Variants in PCDHGA5 observed in about 807,000 individuals in gnomAD.
The protein encoded by PCDHGA5 is protocadherin gamma-A5.
In PCDHGA5, 36 loss-of-function variants were observed where a neutral mutation model predicts 56.7. That is an observed-to-expected ratio of 0.64 (90% CI 0.49 to 0.84). PCDHGA5 has a LOEUF of 0.84. PCDHGA5 is among the 40% of genes least tolerant of loss of function. PCDHGA5 has a pLI of 0.00. For missense variants in PCDHGA5, 1,305 were observed against 1,201.5 expected (o/e 1.09, Z -1.27); for synonymous variants, 563 against 520.2 (o/e 1.08, Z -1.12).
intron 1 of PCDHGA5, chr5:141,399,287 C>A: frequency 6.2e-7 from 1 of 1,613,912 alleles, no homozygotes; most frequent in Non-Finnish European, 8.5e-7. Context: ...GGCGAAGTCC[C>A]TTTTAAGATT....
At chr5:141,415,074 G>A (rs745950404) in intron 1 of PCDHGA5, 4 of 1,613,448 alleles carry the variant, frequency 2.5e-6, no homozygotes, top group East Asian at 2.2e-5. Flanking sequence ...TGCGCACGGC[G>A]CGAGCCCTGC....
In PCDHGA5 at chr5:141,419,425, C is replaced by T. The variant is rs3749766; in HGVS notation, c.2421+52674C>T. Reference sequence around the variant, plus strand: ...TGTTCGCGCAGCGCGCCTTCGACCACGAGCAGCTGCGCACCTTCGAGCTCA... The same window carrying T: ...TGTTCGCGCAGCGCGCCTTCGACCATGAGCAGCTGCGCACCTTCGAGCTCA... On this transcript the variant is annotated intron_variant, in intron 1 of 3. Transcript: ENST00000518069. 284 of 1,613,316 alleles carry T rather than the reference C, an allele frequency of 1.8e-4. 1 individual carries two copies. The East Asian group carries it at 5.9e-3, about 34-fold the overall frequency.
intron 2 of PCDHGA5, among the ~76,000 whole-genome samples, chr5:141,501,290 T>TACACATACAC (rs1224133816): frequency 4.6e-4 from 62 of 136,246 alleles, no homozygotes; most frequent in Admixed American, 7.0e-4. Flanking sequence ...TATTCCCTTA[T>TACACATACAC]ACACACACAC....
chr5:141,497,829 C>T (rs754594104), intron 2 of PCDHGA5, among the ~76,000 whole-genome samples: 147 of 152,160 alleles, frequency 9.7e-4, no homozygotes, highest in Non-Finnish European at 1.8e-3. Flanking sequence ...TGTGATCGCC[C>T]CCGGCCACAA....
At chr5:141,375,364 A>T (rs771379372) in intron 1 of PCDHGA5, 1 of 1,613,786 alleles carries the variant, frequency 6.2e-7, no homozygotes, top group African/African-American at 1.3e-5. Context: ...CCACGGACAA[A>T]GGAACACCAC....
intron 1 of PCDHGA5, among the ~76,000 whole-genome samples, chr5:141,438,633 TATACACAC>T (rs1401551511): frequency 0.055 from 1,851 of 33,458 alleles, 10 homozygotes; most frequent in African/African-American, 0.082. Flanking sequence ...TATATATATA[TATACACAC>T]ACACACACAC....
At chr5:141,410,849 C>CTTGTTTTTTTTTTTTTTT (rs2095431880) in intron 1 of PCDHGA5, 1 of 129,786 alleles carries the variant, frequency 7.7e-6, no homozygotes, top group African/African-American at 6.0e-5. Context: ...TTGTCTTTGT[C>CTTGTTTTTTTTTTTTTTT]TTTTTTTTTT....
At chr5:141,452,119 TTCATATATGGC>T (rs1472213897) in intron 1 of PCDHGA5, among the ~76,000 whole-genome samples, 3 of 152,250 alleles carry the variant, frequency 2.0e-5, no homozygotes, top group African/African-American at 7.2e-5. Flanking sequence ...TTCTTATTTA[TTCATATATGGC>T]TCATGTGTTT....
intron 1 of PCDHGA5, among the ~76,000 whole-genome samples, chr5:141,457,984 A>G (rs1210742359): frequency 2.0e-5 from 3 of 152,226 alleles, no homozygotes; most frequent in Non-Finnish European, 1.5e-5. Context: ...ACACCCTTTC[A>G]GTTAAAGCCT....
At chr5:141,403,425 T>C in intron 1 of PCDHGA5, 1 of 1,614,040 alleles carries the variant, frequency 6.2e-7, no homozygotes, top group South Asian at 1.1e-5. Context: ...CCAGAAGCTA[T>C]TGATCCGGAT....
chr5:141,400,736 G>A, intron 1 of PCDHGA5: 1 of 630,462 alleles, frequency 1.6e-6, no homozygotes, highest in Non-Finnish European at 2.7e-6. Context: ...AGTAGTGAGA[G>A]TTTGCTCTTA....
At chr5:141,475,992 C>A in intron 1 of PCDHGA5, 1 of 1,158,844 alleles carries the variant, frequency 8.6e-7, no homozygotes, top group Non-Finnish European at 1.2e-6. Context: ...GCGAGCAAAT[C>A]AACGGCATCC....
At chr5:141,399,621 C>G (rs757586675) in intron 1 of PCDHGA5, 1 of 1,613,948 alleles carries the variant, frequency 6.2e-7, no homozygotes. Context: ...TGGCACTGGC[C>G]TCTTACGTGT....
chr5:141,370,383 G>T, intron 1 of PCDHGA5: 2 of 1,533,714 alleles, frequency 1.3e-6, no homozygotes, highest in African/African-American at 1.4e-5. Flanking sequence ...AGGCAAAGGC[G>T]CAGAGAGCGG....
chr5:141,454,272 A>G (rs1226625529), intron 1 of PCDHGA5, among the ~76,000 whole-genome samples: 1 of 152,200 alleles, frequency 6.6e-6, no homozygotes, highest in Non-Finnish European at 1.5e-5. Context: ...ATGCCAGCAA[A>G]AACTTCACAT....
Position 141,491,905 on chromosome 5 carries a change from G to A in PCDHGA5, c.2422-2902G>A. 7.1e-7 allele frequency: 1 copy of A among 1,418,328 alleles called. No individual in the cohort carries two copies. Among genetic ancestry groups the A allele is most frequent in the Non-Finnish European group, 9.3e-7 (1 of 1,069,952 alleles). 87.9% of individuals were successfully genotyped at this position (1,418,328 alleles called of 1,614,324 possible). ...GATGGGGCTCCGAGCACCGGGGGTG[G>A]TGGCGACTGTGGGCGAGGGGAGGTG... On this transcript the variant is annotated intron_variant, in intron 1 of 3. Transcript: ENST00000518069. This position sits in a 1 kb window ranked among gnomAD's most constrained non-coding sequence, Gnocchi z 6.9.
At chr5:141,507,120 T>TA (rs1256499995) in intron 3 of PCDHGA5, 2 of 152,206 alleles carry the variant, frequency 1.3e-5, no homozygotes, top group African/African-American at 4.8e-5. Context: ...TGGCTGCCTT[T>TA]GGATCCAGCC....
intron 1 of PCDHGA5, chr5:141,427,916 G>T: frequency 1.3e-6 from 2 of 1,578,854 alleles, no homozygotes; most frequent in East Asian, 2.2e-5. Flanking sequence ...GCGCCAACAT[G>T]AGCCGGCGCA....
intron 1 of PCDHGA5, chr5:141,394,791 C>G (rs919264078): frequency 6.2e-7 from 1 of 1,613,736 alleles, no homozygotes. Flanking sequence ...CACTGTCACG[C>G]TCACCGTAGC....
Sources: gnomAD v4.1 joint callset for allele counts (sites outside exome capture counted in the v4.1 genomes callset) on GRCh38, gnomAD v4.1.1 for gene constraint, Gnocchi (gnomAD v3.1) non-coding constraint, MANE v1.5 for transcripts, NCBI Gene and HGNC (gene_info 2026-07-23, HGNC 2026-07-21) for gene names.